Variants in AKAP9 observed in about 807,000 individuals in gnomAD.
AKAP9 encodes A-kinase anchor protein 9.
AKAP9 carries 311 observed loss-of-function variants against 488.5 expected under a neutral mutation model. The ratio of observed to expected loss-of-function variants is 0.64; its 90% CI spans 0.58 to 0.70. The LOEUF is 0.70. Ranked by LOEUF, AKAP9 falls within the 30% of genes least tolerant of loss-of-function variation. The probability of loss-of-function intolerance (pLI) is 0.00; values close to 1 mark genes in which losing one functional copy is unlikely to be tolerated. For missense variants in AKAP9, 4,215 were observed against 4,374.5 expected (o/e 0.96, Z 1.03); for synonymous variants, 1,462 against 1,483.5 (o/e 0.99, Z 0.33).
intron 2 of AKAP9, among the ~76,000 whole-genome samples, chr7:91,977,196 G>T (rs2130576103): frequency 6.6e-6 from 1 of 152,212 alleles, no homozygotes; most frequent in East Asian, 1.9e-4. Flanking sequence ...AGAGGTGGAG[G>T]CTGCAGCAAG....
At chr7:92,071,161 G>T (rs1428523124) in intron 28 of AKAP9, 152 bp downstream of exon 28, 5 of 720,762 alleles carry the variant, frequency 6.9e-6, no homozygotes, top group African/African-American at 5.3e-5. Context: ...CTTGAAGGCA[G>T]TAAACATATG....
chr7:91,965,106 C>T (rs776049262), intron 1 of AKAP9, among the ~76,000 whole-genome samples: 1 of 152,070 alleles, frequency 6.6e-6, no homozygotes, highest in African/African-American at 2.4e-5. Flanking sequence ...AAACTATAGT[C>T]ACCCTACCAA....
chr7:92,105,062 C>T (rs535734724), intron 46 of AKAP9, among the ~76,000 whole-genome samples: 2 of 152,120 alleles, frequency 1.3e-5, no homozygotes, highest in South Asian at 4.2e-4. Context: ...ATATTTTGAC[C>T]CTCCTAAGAT....
chr7:92,044,125 G>A lies in AKAP9; in HGVS notation c.5163-883G>A, dbSNP rs183752880. On this transcript the variant is annotated intron_variant, in intron 20 of 49. Transcript: ENST00000356239. The stretch of plus-strand genomic sequence containing the variant: ...GATCTCATTTTTGTTTTTAAAATAC[G>A]TATATATTTATAAGAGAGGCAGGAG... 1.1e-3 allele frequency among the ~76,000 whole-genome samples: 172 copies of A among 152,226 alleles called. 1 individual carries two copies. Among genetic ancestry groups the A allele is most frequent in the African/African-American group, 3.4e-3 (141 of 41,542 alleles).
intron 29 of AKAP9, 89 bp downstream of exon 29, chr7:92,077,096 C>CTTT (rs36053963): frequency 1.4e-4 from 35 of 257,500 alleles, no homozygotes; most frequent in East Asian, 3.1e-4. Context: ...TTATTTCTTT[C>CTTT]TTTTTTTTTT....
At position 91,976,690 on chromosome 7, in the gene AKAP9, C is replaced by T. The variant is rs182801378; in HGVS notation, c.306+2722C>T. On this transcript the variant is annotated intron_variant, in intron 2 of 49. Coordinates refer to ENST00000356239, the MANE Select transcript of AKAP9 (RefSeq NM_005751.5). ...TTTAAATGGTCTAACATATAGTCAT[C>T]TTTCTGTTCTTCAGAGTGGATAATT... 5.4e-4 allele frequency among the ~76,000 whole-genome samples: 82 copies of T among 152,264 alleles called. 1 individual carries two copies. In the East Asian group the frequency reaches 0.015, roughly 28 times the overall value.
chr7:91,946,421 C>T (rs909448990), intron 1 of AKAP9, among the ~76,000 whole-genome samples: 34 of 147,328 alleles, frequency 2.3e-4, no homozygotes, highest in African/African-American at 8.1e-4. Flanking sequence ...GACGAGATCT[C>T]GCTGTGTTGT....
chr7:92,077,565 A>G, intron 29 of AKAP9, 131 bp from the exon 30 acceptor site: 1 of 794,040 alleles, frequency 1.3e-6, no homozygotes, highest in Non-Finnish European at 2.1e-6. Flanking sequence ...AGAATTATTG[A>G]TTTACAGTAA....
At chr7:92,074,551 A>G (rs1812246013) in intron 28 of AKAP9, among the ~76,000 whole-genome samples, 1 of 152,214 alleles carries the variant, frequency 6.6e-6, no homozygotes, top group South Asian at 2.1e-4. Flanking sequence ...TACTATAAAG[A>G]TACATGCACA....
chr7:92,097,309 A>C lies in AKAP9; in HGVS notation c.10350A>C (p.Arg3450=), dbSNP rs1477472773. ...AATTCCAGAAGCAAGAACTAGAACG[A>C]GAAGAAAAACGAGAAAGTAGAAGAA... The part of the protein sequence containing the change: ...MQEFQKQELE[R]EEKRESRRIL... The change falls in exon 41 of 50, where the codon CGA becomes CGC. Residue 3450 remains arginine (R), a synonymous_variant. Transcript: ENST00000356239. The C allele has an allele frequency of 6.2e-7, 1 of 1,613,860 alleles. No homozygotes were observed. Among genetic ancestry groups the C allele is most frequent in the Non-Finnish European group, 8.5e-7 (1 of 1,179,996 alleles).
intron 18 of AKAP9, 45 bp downstream of exon 18, chr7:92,040,943 T>C (rs1284544493): frequency 4.7e-6 from 7 of 1,478,760 alleles, no homozygotes; most frequent in Non-Finnish European, 5.6e-6. Context: ...TATTTTTTTT[T>C]CCAAACACCA....
chr7:92,022,775 T>C (rs764503872), intron 13 of AKAP9, 39 bp from the exon 14 acceptor site: 30 of 1,323,646 alleles, frequency 2.3e-5, no homozygotes, highest in East Asian at 4.6e-5. Flanking sequence ...AAGAAACTTA[T>C]ATTGAAATGT....
chr7:91,944,638 C>T (rs745877388), intron 1 of AKAP9, among the ~76,000 whole-genome samples: 29 of 152,124 alleles, frequency 1.9e-4, no homozygotes, highest in Admixed American at 7.9e-4. Context: ...CTGCCTGCCT[C>T]GACCTCCCAA....
intron 13 of AKAP9, 29 bp downstream of exon 13, chr7:92,022,381 G>GTATA: frequency 6.9e-7 from 1 of 1,449,980 alleles, no homozygotes; most frequent in Non-Finnish European, 9.7e-7. Context: ...CCACAATGTG[G>GTATA]TGTTTTTATA....
rs746667150 is a variant in AKAP9 at position 92,065,471 on chromosome 7, T to C, written c.6210+8T>C. On this transcript the variant is annotated splice_region_variant and intron_variant, in intron 25 of 49. Transcript: ENST00000356239. ...ATGAGAAAATTTTTAGATGTAAGTATTCTCAAGTTGAATACTGATTTTTCT... is the reference window on the plus strand; with the variant it reads ...ATGAGAAAATTTTTAGATGTAAGTACTCTCAAGTTGAATACTGATTTTTCT... 1 of 1,581,170 alleles carries C rather than the reference T, an allele frequency of 6.3e-7. No homozygotes were observed. The highest frequency in any genetic ancestry group is 8.7e-7 in the Non-Finnish European group (1 of 1,151,916).
rs1446983058 is a variant in AKAP9 at position 92,096,808 on chromosome 7, A to G, written c.9849A>G (p.Leu3283=). The G allele has an allele frequency of 3.1e-6, 5 of 1,614,240 alleles. No individual in the cohort carries two copies. The highest frequency in any genetic ancestry group is 4.2e-6 in the Non-Finnish European group (5 of 1,180,034). ...AAAAAATAGAATCACAGAGAATGCT[A>G]TATGATGCCCAGTTGTCAGAAGAAC... is the stretch of plus-strand genomic sequence containing the variant. ...SQQKIESQRM[L]YDAQLSEEQG... Residue 3283 remains leucine, a synonymous_variant, in exon 41 of 50, where the codon CTA becomes CTG. Coordinates refer to ENST00000356239, the MANE Select transcript of AKAP9 (RefSeq NM_005751.5).
intron 1 of AKAP9, among the ~76,000 whole-genome samples, chr7:91,957,465 A>G (rs1307623509): frequency 6.6e-6 from 1 of 152,200 alleles, no homozygotes; most frequent in African/African-American, 2.4e-5. Context: ...ATCTAATCCT[A>G]TGTGCTGTTC....
rs71528033 is a variant in AKAP9, at chr7:92,061,584, CTATATATATATA to C, written c.5764+187_5764+198del. Among the ~76,000 whole-genome samples, 674 of 102,462 alleles carry C rather than the reference CTATATATATATA, an allele frequency of 6.6e-3. 15 individuals carry two copies. Among genetic ancestry groups the C allele is most frequent in the African/African-American group, 0.024 (601 of 25,432 alleles). 67.2% of individuals were successfully genotyped at this position (102,462 alleles called of 152,430 possible). ...GAGTTCCTCCAAGCAATTTTTAAAACTATATATATATATATATATATATATATATATATATAA... is the reference window on the plus strand; with the variant it reads ...GAGTTCCTCCAAGCAATTTTTAAAACTATATATATATATATATATATATAA... On this transcript the variant is annotated intron_variant, in intron 23 of 49. Coordinates refer to ENST00000356239, the MANE Select transcript of AKAP9 (RefSeq NM_005751.5).
intron 1 of AKAP9, 63 bp downstream of exon 1, chr7:91,941,210 G>A: frequency 6.5e-7 from 1 of 1,528,468 alleles, no homozygotes; most frequent in Non-Finnish European, 9.1e-7. Flanking sequence ...GGGTGGGAGG[G>A]GGCCTGGGAA....
Sources: allele counts gnomAD v4.1 joint callset (sites outside exome capture counted in the v4.1 genomes callset), GRCh38; gene constraint gnomAD v4.1.1; transcripts MANE v1.5; gene names NCBI Gene and HGNC (gene_info 2026-07-23, HGNC 2026-07-21).